Variants in IARS2 observed in about 807,000 individuals in gnomAD.
IARS2 encodes isoleucine--tRNA ligase, mitochondrial.
IARS2 carries 56 observed loss-of-function variants against 126.3 expected under a neutral mutation model. The ratio of observed to expected loss-of-function variants is 0.44; its 90% CI spans 0.36 to 0.55. The LOEUF is 0.55. IARS2 is among the 20% of genes least tolerant of loss of function. The pLI is 0.00. For missense variants in IARS2, 1,127 were observed against 1,245.9 expected (o/e 0.90, Z 1.44); for synonymous variants, 407 against 441.1 (o/e 0.92, Z 0.97).
In IARS2 at chr1:220,126,824, A is replaced by C. The variant is rs1228510138; in HGVS notation, c.1818A>C (p.Ser606=). Residue 606 remains serine (S), a synonymous_variant, in exon 14 of 23, where the codon TCA becomes TCC. Coordinates refer to ENST00000366922, the MANE Select transcript of IARS2 (RefSeq NM_018060.4). ...ACATCTGGTTTGATAGCGGAACTTC[A>C]TGGTCTTATGTTCTTCCAGGTAATT... ...ILDIWFDSGT[S]WSYVLPGPDQ... 1 of 1,611,706 alleles carries C rather than the reference A, an allele frequency of 6.2e-7. No individual in the cohort carries two copies. The highest frequency in any genetic ancestry group is 2.2e-5 in the East Asian group (1 of 44,846).
chr1:220,144,854 T>C (rs1454202724), intron 21 of IARS2, among the ~76,000 whole-genome samples: 1 of 152,198 alleles, frequency 6.6e-6, no homozygotes, highest in African/African-American at 2.4e-5. Context: ...AATTAATCTC[T>C]TTGAGTCTCT....
At chr1:220,106,466 A>G (rs1207986132) in intron 9 of IARS2, among the ~76,000 whole-genome samples, 1 of 152,176 alleles carries the variant, frequency 6.6e-6, no homozygotes, top group Non-Finnish European at 1.5e-5. Context: ...ACAACTGTGT[A>G]TATAGGCATA....
chr1:220,101,530 T>C (rs1428940323), intron 3 of IARS2, among the ~76,000 whole-genome samples: 1 of 151,800 alleles, frequency 6.6e-6, no homozygotes, highest in African/African-American at 2.4e-5. Flanking sequence ...CAAAACCCCG[T>C]ATCTACTAAA....
intron 11 of IARS2, among the ~76,000 whole-genome samples, chr1:220,113,637 A>ATTT (rs1656854998): frequency 6.6e-6 from 1 of 151,754 alleles, no homozygotes; most frequent in African/African-American, 2.4e-5. Context: ...ATATATATAT[A>ATTT]TAGAGAGAGA....
Position 220,147,799 on chromosome 1 carries a change from G to GTAAC in IARS2, c.*167_*170dup, listed in dbSNP as rs893265455. 38 of 638,546 alleles carry GTAAC rather than the reference G, an allele frequency of 6.0e-5. No individual in the cohort carries two copies. Among genetic ancestry groups the GTAAC allele is most frequent in the Admixed American group, 5.9e-5 (2 of 33,880 alleles). The allele number at this position is 638,546 out of a possible 1,614,324, so 39.6% of individuals were successfully genotyped here. On this transcript the variant is annotated 3_prime_UTR_variant, in exon 23 of 23. Coordinates refer to ENST00000366922, the MANE Select transcript of IARS2 (RefSeq NM_018060.4). ...CAGAATTATAGAAGAAGTATTTCCT[G>GTAAC]TAACTATAGAAAGAATTATGTATAT...
intron 8 of IARS2, among the ~76,000 whole-genome samples, chr1:220,104,703 T>C (rs1351866902): frequency 6.6e-6 from 1 of 152,166 alleles, no homozygotes; most frequent in East Asian, 1.9e-4. Context: ...TATTTTATTT[T>C]ATTTTATTTT....
intron 12 of IARS2, among the ~76,000 whole-genome samples, chr1:220,122,876 G>T (rs1276403497): frequency 6.6e-6 from 1 of 150,984 alleles, no homozygotes; most frequent in Non-Finnish European, 1.5e-5. Context: ...TACATTTAAA[G>T]CTGTTTTACT....
chr1:220,117,238 C>T (rs1366354729), intron 12 of IARS2, among the ~76,000 whole-genome samples: 1 of 118,208 alleles, frequency 8.5e-6, no homozygotes, highest in Non-Finnish European at 1.6e-5. Flanking sequence ...GTTTCCTAGG[C>T]TGGAGTGTAG....
At chr1:220,137,351 TTATTA>T (rs1219752021) in intron 16 of IARS2, among the ~76,000 whole-genome samples, 6 of 152,338 alleles carry the variant, frequency 3.9e-5, no homozygotes, top group African/African-American at 7.2e-5. Flanking sequence ...GCGCATTTCA[TTATTA>T]TATTGTTGAA....
At chr1:220,104,566 G>A (rs1424766107) in intron 8 of IARS2, among the ~76,000 whole-genome samples, 5 of 151,520 alleles carry the variant, frequency 3.3e-5, no homozygotes, top group Non-Finnish European at 7.4e-5. Flanking sequence ...AATTTTTTTG[G>A]TAGAGATGAG....
chr1:220,124,289 A>T (rs1022998128), intron 12 of IARS2, among the ~76,000 whole-genome samples: 3 of 152,230 alleles, frequency 2.0e-5, no homozygotes, highest in African/African-American at 7.2e-5. Flanking sequence ...TTATTACTGT[A>T]TATCTTCCTA....
At position 220,146,923 on chromosome 1, in the gene IARS2, C is replaced by T. The variant is rs144320325; in HGVS notation, c.2897-570C>T. On this transcript the variant is annotated intron_variant, in intron 22 of 22. Transcript: ENST00000366922. ...CTGACCTCAGGTGATCCACCCGCCT[C>T]GGCATCCCAAAATGCTGGGATTACA... Among the ~76,000 whole-genome samples the T allele has an allele frequency of 5.7e-3, 868 of 152,248 alleles. 13 individuals are homozygous for T. Among genetic ancestry groups the T allele is most frequent in the African/African-American group, 0.02 (814 of 41,536 alleles).
At chr1:220,120,082 CTT>C (rs1395868643) in intron 12 of IARS2, among the ~76,000 whole-genome samples, 12 of 139,030 alleles carry the variant, frequency 8.6e-5, no homozygotes, top group Non-Finnish European at 9.4e-5. Flanking sequence ...CTCTGTCACA[CTT>C]TTTTTTTTTT....
chr1:220,145,790 A>C, intron 22 of IARS2, 137 bp downstream of exon 22: 1 of 720,288 alleles, frequency 1.4e-6, no homozygotes, highest in Non-Finnish European at 2.1e-6. Context: ...AAATAATAAA[A>C]ACAATTGCCA....
At chr1:220,120,098 T>G (rs1657006596) in intron 12 of IARS2, among the ~76,000 whole-genome samples, 1 of 151,366 alleles carries the variant, frequency 6.6e-6, no homozygotes. Flanking sequence ...TTTTTTTTTT[T>G]GAGTTGGAGT....
In IARS2 at chr1:220,114,122, G is replaced by A. The variant is rs766260156; in HGVS notation, c.1480-192G>A. 2.4e-4 allele frequency among the ~76,000 whole-genome samples: 36 copies of A among 152,126 alleles called. No homozygotes were observed. In the Middle Eastern group the frequency reaches 0.014, roughly 57 times the overall value. On this transcript the variant is annotated intron_variant, in intron 11 of 22. Transcript: ENST00000366922. ...CGATATTATTTATTAAGTTCTTCGC[G>A]GCTCCATTTTTACTTTGCCTTATTT...
intron 16 of IARS2, chr1:220,137,676 G>T: frequency 2.5e-6 from 1 of 407,128 alleles, no homozygotes; most frequent in Non-Finnish European, 4.5e-6. Context: ...GACCAGGGAA[G>T]AGATTAGGTA....
chr1:220,118,155 A>G (rs375370693), intron 12 of IARS2: 61 of 500,646 alleles, frequency 1.2e-4, no homozygotes, highest in Non-Finnish European at 2.3e-4. Context: ...TATTGTAGCA[A>G]GTTGGTAACC....
At chr1:220,117,343 C>T (rs1246189003) in intron 12 of IARS2, among the ~76,000 whole-genome samples, 2 of 151,656 alleles carry the variant, frequency 1.3e-5, no homozygotes, top group Non-Finnish European at 2.9e-5. Context: ...AGGCATGTGC[C>T]ACCACGCCCG....
Sources: allele counts gnomAD v4.1 joint callset (sites outside exome capture counted in the v4.1 genomes callset), GRCh38; gene constraint gnomAD v4.1.1; transcripts MANE v1.5; gene names NCBI Gene and HGNC (gene_info 2026-07-23, HGNC 2026-07-21).